DBN1: variants seen among roughly 807,000 people sequenced by gnomAD.
The protein encoded by DBN1 is drebrin.
In DBN1, 21 loss-of-function variants were observed where a neutral mutation model predicts 83.5. The ratio of observed to expected loss-of-function variants is 0.25; its 90% CI spans 0.18 to 0.36. DBN1 has a LOEUF of 0.36. DBN1 is among the 10% of genes least tolerant of loss of function. The pLI is 1.00. For missense variants in DBN1, 874 were observed against 935.7 expected, an observed-to-expected ratio of 0.93 and a Z score of 0.86; for synonymous variants, 381 against 384.9, an observed-to-expected ratio of 0.99 and a Z score of 0.12.
Position 177,467,553 on chromosome 5 carries a change from G to A in DBN1, c.405C>T (p.Asn135=), listed in dbSNP as rs928057638. 8.3e-6 allele frequency: 13 copies of A among 1,564,936 alleles called. No homozygotes were observed. The highest frequency in any genetic ancestry group is 1.4e-5 in the African/African-American group (1 of 73,566). ...DAGAIGQRLS[N]GLARLSSPVL... ...CAGGGCTGGAGAGTCGCGCCAGCCC[G>A]TTAGAGAGCCGCTGCCCGATGGCAC... is the stretch of plus-strand genomic sequence containing the variant. Residue 135 remains asparagine (N), a synonymous_variant, in exon 5 of 15, where the codon AAC becomes AAT. Transcript: ENST00000393565. This position sits in a 1 kb window ranked among gnomAD's most constrained non-coding sequence, Gnocchi z 9.1.
At chr5:177,457,566 G>A (rs1756604627) in intron 14 of DBN1, 63 bp from the exon 15 acceptor site, 1 of 1,563,400 alleles carries the variant, frequency 6.4e-7, no homozygotes, top group South Asian at 1.1e-5. Context: ...CCCAGCCTCT[G>A]TGAGCGGTGG....
At chr5:177,463,042 G>C (rs778648058) in intron 8 of DBN1, among the ~76,000 whole-genome samples, 36 of 151,716 alleles carry the variant, frequency 2.4e-4, no homozygotes, top group African/African-American at 8.7e-4. Flanking sequence ...TACCACAAAG[G>C]CTTTTTTTTT....
At chr5:177,465,675 G>C (rs752090809) in intron 8 of DBN1, among the ~76,000 whole-genome samples, 2 of 152,002 alleles carry the variant, frequency 1.3e-5, no homozygotes, top group African/African-American at 2.4e-5. Flanking sequence ...GGCCAACATG[G>C]TGAAACCCAG....
chr5:177,462,162 CCT>C (rs1486779801), intron 8 of DBN1: 5 of 958,132 alleles, frequency 5.2e-6, no homozygotes, highest in Non-Finnish European at 5.0e-6. Context: ...GTCCCCCACC[CCT>C]GCCTGACCTA....
At position 177,467,434 on chromosome 5, in the gene DBN1, C is replaced by A; in HGVS notation, c.477+47G>T. On this transcript the variant is annotated intron_variant, in intron 5 of 14. Transcript: ENST00000393565. This position sits in a 1 kb window ranked among gnomAD's most constrained non-coding sequence, Gnocchi z 9.1. ...AGGGACCGGGCAGGCCAGACTCGGG[C>A]ACCAGGCCACGCAGGCAGAGCCCAC... is the stretch of plus-strand genomic sequence containing the variant. 1.2e-6 allele frequency: 2 copies of A among 1,610,762 alleles called. No individual in the cohort carries two copies. The highest frequency in any genetic ancestry group is 1.1e-5 in the South Asian group (1 of 90,836).
In DBN1 at chr5:177,467,462, G is replaced by T. The variant is rs1007843457; in HGVS notation, c.477+19C>A. 6.2e-7 allele frequency: 1 copy of T among 1,606,548 alleles called. No individual in the cohort carries two copies. Among genetic ancestry groups the T allele is most frequent in the Admixed American group, 1.7e-5 (1 of 58,854 alleles). ...CAGGCCACGCAGGCAGAGCCCACGG[G>T]TGCCAAACACACACTAACCACGGGC... On this transcript the variant is annotated intron_variant, in intron 5 of 14. Transcript: ENST00000393565. This position sits in a 1 kb window ranked among gnomAD's most constrained non-coding sequence, Gnocchi z 9.1.
chr5:177,465,987 C>G (rs1334679237), intron 8 of DBN1, among the ~76,000 whole-genome samples: 1 of 152,114 alleles, frequency 6.6e-6, no homozygotes. Context: ...AGCTTACCAG[C>G]CACACATCAT....
Position 177,467,080 on chromosome 5 carries a change from A to C in DBN1, c.556-18T>G. The C allele has an allele frequency of 6.2e-7, 1 of 1,613,520 alleles. No individual in the cohort carries two copies. On this transcript the variant is annotated intron_variant, in intron 6 of 14. Transcript: ENST00000393565. This position sits in a 1 kb window ranked among gnomAD's most constrained non-coding sequence, Gnocchi z 9.1. Reference sequence around the variant, plus strand: ...TCTTCCTTCTGCAAGCCCCGGTGCGAACAAGGGTAGGCCCCGAGCCTAGGC... The same window carrying C: ...TCTTCCTTCTGCAAGCCCCGGTGCGCACAAGGGTAGGCCCCGAGCCTAGGC...
At chr5:177,459,021 G>C in intron 12 of DBN1, 77 bp downstream of exon 12, 1 of 1,534,638 alleles carries the variant, frequency 6.5e-7, no homozygotes, top group Non-Finnish European at 8.7e-7. Flanking sequence ...CCTGGAGAAC[G>C]GTTACCATGG....
chr5:177,472,516 T>A, intron 1 of DBN1: 1 of 805,388 alleles, frequency 1.2e-6, no homozygotes, highest in Non-Finnish European at 1.6e-6. Flanking sequence ...GTCCATCCCC[T>A]CCCCCAGCTC....
intron 10 of DBN1, among the ~76,000 whole-genome samples, chr5:177,460,166 G>A (rs957060761): frequency 1.3e-5 from 2 of 152,230 alleles, no homozygotes; most frequent in Admixed American, 6.5e-5. Flanking sequence ...GCTCCCCGTG[G>A]CCAGCGCTGT....
At chr5:177,465,022 CG>C (rs1386766743) in intron 8 of DBN1, among the ~76,000 whole-genome samples, 1 of 151,642 alleles carries the variant, frequency 6.6e-6, no homozygotes, top group Non-Finnish European at 1.5e-5. Flanking sequence ...GACGTGGTGG[CG>C]GGCACCTGTA....
intron 8 of DBN1, among the ~76,000 whole-genome samples, chr5:177,461,507 TC>T (rs1757043303): frequency 6.6e-6 from 1 of 152,110 alleles, no homozygotes; most frequent in Non-Finnish European, 1.5e-5. Context: ...CTCTCTTCCC[TC>T]AGGGCCCTCA....
rs144947265 is a variant in DBN1 at position 177,467,642 on chromosome 5, C to T, written c.331-15G>A. 1.1e-3 allele frequency: 1,654 copies of T among 1,568,720 alleles called. 5 individuals are homozygous for T. Among genetic ancestry groups the T allele is most frequent in the Middle Eastern group, 5.0e-3 (30 of 6,020 alleles). On this transcript the variant is annotated splice_polypyrimidine_tract_variant and intron_variant, in intron 4 of 14. Coordinates refer to ENST00000393565, the MANE Select transcript of DBN1 (RefSeq NM_001363541.2). The surrounding 1 kb of genome is among the most constrained non-coding windows in gnomAD (Gnocchi z 9.1). ...ACGTCGACACCCTTCCGCAAGAAGA[C>T]GGCAGTGCTCAGGCGGCACCATCCT...
Position 177,460,559 on chromosome 5 carries a change from A to G in DBN1, c.832-4T>C, listed in dbSNP as rs770953982. On this transcript the variant is annotated splice_polypyrimidine_tract_variant and splice_region_variant and intron_variant, in intron 9 of 14. Transcript: ENST00000393565. ...GGGCAATAATAGCTGCTGCCTCCTG[A>G]GGGCACGAGGAAAAGGTTGGGGCTG... 6.2e-7 allele frequency: 1 copy of G among 1,614,158 alleles called. No homozygotes were observed. Among genetic ancestry groups the G allele is most frequent in the Non-Finnish European group, 8.5e-7 (1 of 1,180,022 alleles).
chr5:177,465,472 T>G (rs997605847), intron 8 of DBN1, among the ~76,000 whole-genome samples: 1 of 152,224 alleles, frequency 6.6e-6, no homozygotes, highest in South Asian at 2.1e-4. Flanking sequence ...TGGTGGTGGT[T>G]ATCCTACAAT....
At chr5:177,462,590 C>G (rs919134261) in intron 8 of DBN1, among the ~76,000 whole-genome samples, 3 of 152,222 alleles carry the variant, frequency 2.0e-5, no homozygotes, top group Admixed American at 2.0e-4. Context: ...CAGCACAAGG[C>G]GGGCGCATGT....
Position 177,457,474 on chromosome 5 carries a change from G to C in DBN1, c.2047C>G (p.Pro683Ala), listed in dbSNP as rs1214800698. The C allele has an allele frequency of 6.2e-7, 1 of 1,614,200 alleles. No individual in the cohort carries two copies. Among genetic ancestry groups the C allele is most frequent in the Admixed American group, 1.7e-5 (1 of 60,026 alleles). ...AAGCCCTCCTCCTCTTCTGGAACTG[G>C]GTCTGCATCCCAGCATGTGATGTCG... ...EIDITCWDAD[P>A]VPEEEEGFEG... The change falls in exon 15 of 15, where the codon CCA (proline) becomes GCA (alanine). Residue 683 changes from proline to alanine, a missense_variant. Transcript: ENST00000393565.
At position 177,468,913 on chromosome 5, in the gene DBN1, G is replaced by A. The variant is rs1305834825; in HGVS notation, c.87-14C>T. The A allele has an allele frequency of 7.6e-7, 1 of 1,312,970 alleles. No homozygotes were observed. The highest frequency in any genetic ancestry group is 9.8e-7 in the Non-Finnish European group (1 of 1,021,634). The allele number at this position is 1,312,970 out of a possible 1,614,324, so 81.3% of individuals were successfully genotyped here. ...GTGTACAGAGCCCTGGGGAGAGGGA[G>A]GGGTGGCTGTCAAACTGTCAGGGCC... On this transcript the variant is annotated splice_polypyrimidine_tract_variant and intron_variant, in intron 1 of 14. Transcript: ENST00000393565.
Sources: allele counts gnomAD v4.1 joint callset (sites outside exome capture counted in the v4.1 genomes callset), GRCh38; gene constraint gnomAD v4.1.1; non-coding constraint Gnocchi (gnomAD v3.1); transcripts MANE v1.5; gene names NCBI Gene and HGNC (gene_info 2026-07-23, HGNC 2026-07-21).